Variants in CGNL1 observed in about 807,000 individuals in gnomAD.
CGNL1 encodes cingulin like 1, also known as cingulin-like protein 1.
A neutral mutation model predicts 141.2 loss-of-function variants in CGNL1; 132 were observed. The ratio of observed to expected loss-of-function variants is 0.93; its 90% CI spans 0.81 to 1.08. CGNL1 has a LOEUF of 1.08. Ranked by LOEUF, CGNL1 falls within the 50% of genes least tolerant of loss-of-function variation. The probability of loss-of-function intolerance (pLI) is 0.00; values close to 1 mark genes in which losing one functional copy is unlikely to be tolerated. For missense variants in CGNL1, 1,870 were observed against 1,588.6 expected (o/e 1.18, Z -3.01); for synonymous variants, 690 against 622.1 (o/e 1.11, Z -1.63).
At position 57,516,856 on chromosome 15, in the gene CGNL1, T is replaced by C; in HGVS notation, c.2480T>C (p.Leu827Pro). 3.1e-6 allele frequency: 5 copies of C among 1,614,150 alleles called. No homozygotes were observed. The highest frequency in any genetic ancestry group is 4.2e-6 in the Non-Finnish European group (5 of 1,180,022). Residue 827 changes from leucine (L) to proline (P), a missense_variant, in exon 9 of 19, where the codon CTG (leucine) becomes CCG (proline). Transcript: ENST00000281282. ...QAGTEMRVKLLQEENEKLQGR... is the reference protein window; with the variant it reads ...QAGTEMRVKLPQEENEKLQGR... ...GGGACTGAAATGCGCGTGAAGCTTC[T>C]GCAGGAGGAGAATGAGAAGCTGCAG...
intron 8 of CGNL1, among the ~76,000 whole-genome samples, chr15:57,499,396 C>G (rs1279625005): frequency 1.3e-5 from 2 of 151,872 alleles, no homozygotes; most frequent in Non-Finnish European, 2.9e-5. Context: ...TGCCACCACA[C>G]CTGGCTAATT....
intron 1 of CGNL1, among the ~76,000 whole-genome samples, chr15:57,380,498 T>A (rs1003318277): frequency 2.6e-5 from 4 of 151,972 alleles, no homozygotes; most frequent in Admixed American, 6.6e-5. Context: ...GCCCGTGGGG[T>A]ACTGTGGGGC....
At chr15:57,437,873 G>A in intron 1 of CGNL1, 112 bp from the exon 2 acceptor site, 3 of 1,058,620 alleles carry the variant, frequency 2.8e-6, no homozygotes, top group South Asian at 3.1e-5. Context: ...TGTTTAAAAT[G>A]TCTTGTTTTC....
At chr15:57,405,772 C>CTCTTTCTTTT (rs1447047398) in intron 1 of CGNL1, among the ~76,000 whole-genome samples, 11 of 123,490 alleles carry the variant, frequency 8.9e-5, no homozygotes, top group African/African-American at 3.7e-4. Context: ...TTCTTTCTTT[C>CTCTTTCTTTT]TCTTTCTTTC....
chr15:57,452,338 A>T, intron 6 of CGNL1, 49 bp downstream of exon 6: 1 of 1,545,730 alleles, frequency 6.5e-7, no homozygotes, highest in Non-Finnish European at 8.8e-7. Context: ...TCTCTATGAC[A>T]TGTAGCTAGA....
intron 8 of CGNL1, among the ~76,000 whole-genome samples, chr15:57,463,438 T>C (rs1320671397): frequency 6.6e-6 from 1 of 152,230 alleles, no homozygotes; most frequent in Non-Finnish European, 1.5e-5. Flanking sequence ...GAGCGACAAC[T>C]ACATTGACCC....
chr15:57,509,674 CT>C (rs1308247750), intron 8 of CGNL1, among the ~76,000 whole-genome samples: 1 of 152,194 alleles, frequency 6.6e-6, no homozygotes, highest in Non-Finnish European at 1.5e-5. Flanking sequence ...ATGTGCCAGC[CT>C]GCAGGCAGGT....
At position 57,438,850 on chromosome 15, in the gene CGNL1, C is replaced by T. The variant is rs764560232; in HGVS notation, c.851C>T (p.Ala284Val). ...CTTCCCTTCCGGCGACAGGATTCAGCGGGACCCGTCCTGGATGGAGCTCGG... is the reference window on the plus strand; with the variant it reads ...CTTCCCTTCCGGCGACAGGATTCAGTGGGACCCGTCCTGGATGGAGCTCGG... The part of the protein sequence containing the change: ...DVLPFRRQDS[A>V]GPVLDGARSR... Residue 284 changes from alanine (A) to valine (V), a missense_variant, in exon 2 of 19, where the codon GCG becomes GTG. Coordinates refer to ENST00000281282, the MANE Select transcript of CGNL1 (RefSeq NM_032866.5). The T allele has an allele frequency of 1.1e-5, 17 of 1,614,072 alleles. No individual in the cohort carries two copies. Among genetic ancestry groups the T allele is most frequent in the African/African-American group, 1.3e-5 (1 of 74,920 alleles).
At chr15:57,494,102 A>G (rs1283406809) in intron 8 of CGNL1, among the ~76,000 whole-genome samples, 1 of 152,248 alleles carries the variant, frequency 6.6e-6, no homozygotes. Flanking sequence ...TCACTTAAAA[A>G]ATAAATCTGC....
At chr15:57,419,008 A>G (rs1488685364) in intron 1 of CGNL1, among the ~76,000 whole-genome samples, 4 of 151,348 alleles carry the variant, frequency 2.6e-5, no homozygotes, top group Admixed American at 1.3e-4. Flanking sequence ...GCTCACTGCA[A>G]CCTCCGCCTC....
At chr15:57,452,114 C>T in intron 5 of CGNL1, 27 bp from the exon 6 acceptor site, 2 of 1,604,976 alleles carry the variant, frequency 1.2e-6, no homozygotes, top group African/African-American at 1.3e-5. Flanking sequence ...AGTGGAGGCT[C>T]TTTAAAATCA....
At chr15:57,488,746 C>A (rs1181712078) in intron 8 of CGNL1, among the ~76,000 whole-genome samples, 7 of 152,180 alleles carry the variant, frequency 4.6e-5, no homozygotes, top group Admixed American at 4.6e-4. Flanking sequence ...CTAAACAGGC[C>A]CTTAAGAACA....
chr15:57,532,711 A>C (rs1434027305), intron 14 of CGNL1, among the ~76,000 whole-genome samples: 2 of 152,192 alleles, frequency 1.3e-5, no homozygotes, highest in Non-Finnish European at 2.9e-5. Flanking sequence ...GTCAAGGAAA[A>C]GGCTGCATCG....
chr15:57,540,101 T>G (rs2032484474), intron 14 of CGNL1, among the ~76,000 whole-genome samples: 1 of 152,150 alleles, frequency 6.6e-6, no homozygotes, highest in South Asian at 2.1e-4. Flanking sequence ...CTCACCTCCC[T>G]CATATGGCTA....
At position 57,501,099 on chromosome 15, in the gene CGNL1, A is replaced by C. The variant is rs1033048285; in HGVS notation, c.2404-15681A>C. On this transcript the variant is annotated intron_variant, in intron 8 of 18. Coordinates refer to ENST00000281282, the MANE Select transcript of CGNL1 (RefSeq NM_032866.5). Reference sequence around the variant, plus strand: ...CCTCTATCAAGCTGATTAATTCAGTAACCTTGGATCGTGATTGTGCTATGT... The same window carrying C: ...CCTCTATCAAGCTGATTAATTCAGTCACCTTGGATCGTGATTGTGCTATGT... Among the ~76,000 whole-genome samples, 10 of 152,332 alleles carry C rather than the reference A, an allele frequency of 6.6e-5. 1 individual carries two copies. The South Asian group carries it at 1.0e-3, about 16-fold the overall frequency.
At chr15:57,390,026 G>A (rs2062525182) in intron 1 of CGNL1, among the ~76,000 whole-genome samples, 1 of 152,172 alleles carries the variant, frequency 6.6e-6, no homozygotes, top group African/African-American at 2.4e-5. Context: ...ATGTTGGCCG[G>A]GCTGGTCTCG....
chr15:57,522,679 T>G (rs948463141), intron 10 of CGNL1, among the ~76,000 whole-genome samples: 2 of 152,204 alleles, frequency 1.3e-5, no homozygotes, highest in African/African-American at 4.8e-5. Context: ...ATTTTAGGAT[T>G]TTATTCTGGA....
chr15:57,456,149 A>G (rs573355232), intron 7 of CGNL1, among the ~76,000 whole-genome samples: 17 of 152,252 alleles, frequency 1.1e-4, no homozygotes, highest in African/African-American at 3.9e-4. Flanking sequence ...GTCACTTTCA[A>G]TTTATTCTTC....
intron 1 of CGNL1, among the ~76,000 whole-genome samples, chr15:57,386,835 A>G (rs1217886023): frequency 2.6e-5 from 4 of 152,176 alleles, no homozygotes; most frequent in African/African-American, 9.7e-5. Context: ...GTTGGCTTGT[A>G]GCTTGTGTAT....
Sources: gnomAD v4.1 joint callset for allele counts (sites outside exome capture counted in the v4.1 genomes callset) on GRCh38, gnomAD v4.1.1 for gene constraint, MANE v1.5 for transcripts, NCBI Gene and HGNC (gene_info 2026-07-23, HGNC 2026-07-21) for gene names.